MSRA: variants seen among roughly 807,000 people sequenced by gnomAD.
The protein encoded by MSRA is mitochondrial peptide methionine sulfoxide reductase.
A neutral mutation model predicts 31.3 loss-of-function variants in MSRA; 54 were observed. The ratio of observed to expected loss-of-function variants is 1.73; its 90% confidence interval spans 1.39 to 2.17. The LOEUF (loss-of-function observed/expected upper bound fraction) is 2.17, where lower values mean the gene tolerates loss of function less well. MSRA is among the 30% of genes most tolerant of loss of function. MSRA has a pLI of 0.00. For synonymous variants in MSRA, 169 were observed against 116.5 expected, an observed-to-expected ratio of 1.45 and a Z score of -2.90; for missense variants, 507 against 300.9, an observed-to-expected ratio of 1.69 and a Z score of -5.07.
At chr8:10,419,758 GC>G (rs1429319064) in intron 5 of MSRA, among the ~76,000 whole-genome samples, 1 of 152,196 alleles carries the variant, frequency 6.6e-6, no homozygotes, top group African/African-American at 2.4e-5. Context: ...TGGAGGGCAG[GC>G]GGGCAAGTCT....
intron 3 of MSRA, among the ~76,000 whole-genome samples, chr8:10,282,480 C>T (rs1329892158): frequency 4.6e-5 from 7 of 152,230 alleles, no homozygotes; most frequent in Admixed American, 4.6e-4. Context: ...GCCATATTTG[C>T]CAGCATAGTC....
intron 1 of MSRA, among the ~76,000 whole-genome samples, chr8:10,173,370 G>A (rs1486212714): frequency 6.6e-6 from 1 of 152,236 alleles, no homozygotes; most frequent in East Asian, 1.9e-4. Flanking sequence ...ATCTGGGGGT[G>A]AAGACCAGAC....
At chr8:10,135,295 C>T (rs1284810277) in intron 1 of MSRA, among the ~76,000 whole-genome samples, 9 of 152,178 alleles carry the variant, frequency 5.9e-5, no homozygotes, top group Non-Finnish European at 1.0e-4. Flanking sequence ...GAAAGTCATT[C>T]GGTGTTTTTG....
chr8:10,423,955 C>T (rs1808971478), intron 5 of MSRA, among the ~76,000 whole-genome samples: 1 of 152,216 alleles, frequency 6.6e-6, no homozygotes, highest in Admixed American at 6.5e-5. Context: ...GTGCACAAAG[C>T]CCCGAGATGA....
intron 1 of MSRA, among the ~76,000 whole-genome samples, chr8:10,179,556 C>T (rs927799564): frequency 6.6e-6 from 1 of 152,210 alleles, no homozygotes; most frequent in East Asian, 1.9e-4. Flanking sequence ...TGCTTTCTCC[C>T]TAATGTCTGG....
At chr8:10,169,331 A>C (rs946894581) in intron 1 of MSRA, among the ~76,000 whole-genome samples, 1 of 152,222 alleles carries the variant, frequency 6.6e-6, no homozygotes, top group Admixed American at 6.5e-5. Flanking sequence ...GAAGTTTCGC[A>C]GGAAGGGGTA....
intron 1 of MSRA, among the ~76,000 whole-genome samples, chr8:10,179,174 T>A (rs1456710084): frequency 6.6e-6 from 1 of 152,190 alleles, no homozygotes; most frequent in African/African-American, 2.4e-5. Context: ...AATTGAATTA[T>A]TTTTGCCTCT....
intron 1 of MSRA, among the ~76,000 whole-genome samples, chr8:10,204,850 G>T (rs1006236375): frequency 4.3e-4 from 66 of 152,348 alleles, no homozygotes; most frequent in Admixed American, 1.4e-3. Flanking sequence ...TACGCTGAGA[G>T]AGGATTATGG....
At chr8:10,057,356 G>A (rs1462533378) in intron 1 of MSRA, among the ~76,000 whole-genome samples, 1 of 152,174 alleles carries the variant, frequency 6.6e-6, no homozygotes, top group Non-Finnish European at 1.5e-5. Context: ...GGGAATGAGG[G>A]ACAAGGGGAA....
chr8:10,178,660 T>C (rs1340846374), intron 1 of MSRA, among the ~76,000 whole-genome samples: 1 of 152,174 alleles, frequency 6.6e-6, no homozygotes. Context: ...TCAATAATGA[T>C]CATTTTAGTA....
intron 5 of MSRA, among the ~76,000 whole-genome samples, chr8:10,372,645 A>T (rs899387450): frequency 5.9e-5 from 9 of 152,198 alleles, no homozygotes; most frequent in Non-Finnish European, 1.2e-4. Flanking sequence ...ATTAGACAAA[A>T]CTAAGATATG....
At chr8:10,142,196 G>C (rs1201937713) in intron 1 of MSRA, among the ~76,000 whole-genome samples, 2 of 152,152 alleles carry the variant, frequency 1.3e-5, no homozygotes, top group African/African-American at 4.8e-5. Context: ...GACCTCAGGT[G>C]ATCCACCCAC....
At chr8:10,193,085 C>T (rs966982337) in intron 1 of MSRA, among the ~76,000 whole-genome samples, 5 of 152,164 alleles carry the variant, frequency 3.3e-5, no homozygotes, top group African/African-American at 1.2e-4. Flanking sequence ...TCCTGGCAGA[C>T]CTATCAAGAC....
chr8:10,073,761 A>G (rs1442898876), intron 1 of MSRA, among the ~76,000 whole-genome samples: 6 of 152,078 alleles, frequency 3.9e-5, no homozygotes, highest in Admixed American at 2.6e-4. Context: ...CTGTATTTCT[A>G]TCAACGGTAG....
intron 1 of MSRA, among the ~76,000 whole-genome samples, chr8:10,084,920 A>G (rs913856004): frequency 1.3e-5 from 2 of 152,008 alleles, no homozygotes; most frequent in Non-Finnish European, 2.9e-5. Context: ...ATTTTTTAAA[A>G]AATTTATTTT....
intron 1 of MSRA, among the ~76,000 whole-genome samples, chr8:10,161,121 C>T (rs1212650661): frequency 3.3e-5 from 5 of 152,172 alleles, no homozygotes; most frequent in Non-Finnish European, 4.4e-5. Flanking sequence ...TTTCTAAATA[C>T]GGTCTGTGTG....
intron 1 of MSRA, among the ~76,000 whole-genome samples, chr8:10,144,703 T>C (rs1369176859): frequency 6.6e-6 from 1 of 151,712 alleles, no homozygotes; most frequent in Non-Finnish European, 1.5e-5. Flanking sequence ...AGCATCCTGC[T>C]GTGAATAATT....
intron 3 of MSRA, among the ~76,000 whole-genome samples, chr8:10,281,934 G>A (rs1356107628): frequency 2.6e-5 from 4 of 152,022 alleles, no homozygotes. Flanking sequence ...AAAGAAATAC[G>A]GGGCTTACTT....
chr8:10,169,347 CTG>C (rs745973479), intron 1 of MSRA, among the ~76,000 whole-genome samples: 7 of 152,342 alleles, frequency 4.6e-5, no homozygotes, highest in Non-Finnish European at 1.0e-4. Flanking sequence ...GGGTATTCAG[CTG>C]TGTGAGTATG....
Sources: gnomAD v4.1 joint callset for allele counts (sites outside exome capture counted in the v4.1 genomes callset) on GRCh38, gnomAD v4.1.1 for gene constraint, MANE v1.5 for transcripts, NCBI Gene and HGNC (gene_info 2026-07-23, HGNC 2026-07-21) for gene names.